The following SLC12A7 variants were observed in gnomAD, a reference collection of about 807,000 sequenced individuals.
The protein encoded by SLC12A7 is solute carrier family 12 member 7, also known as K-Cl cotransporter 4.
SLC12A7 carries 100 observed loss-of-function variants against 120.6 expected under a neutral mutation model. The observed-to-expected ratio is 0.83, with a 90% CI of 0.71 to 0.98. SLC12A7 has a LOEUF of 0.98. Among genes scored for constraint, SLC12A7 ranks in the 50% least tolerant of loss-of-function variants. The probability of loss-of-function intolerance (pLI) is 0.00; values close to 1 mark genes in which losing one functional copy is unlikely to be tolerated. For synonymous variants in SLC12A7, 760 were observed against 678.0 expected, an observed-to-expected ratio of 1.12 and a Z score of -1.88; for missense variants, 1,373 against 1,548.1, an observed-to-expected ratio of 0.89 and a Z score of 1.90.
chr5:1,117,803 A>G, the SLC12A7 span, among the ~76,000 whole-genome samples: 1 of 152,188 alleles, frequency 6.6e-6, no homozygotes, highest in Non-Finnish European at 1.5e-5. The surrounding 1 kb of genome is among the most constrained non-coding windows in gnomAD (Gnocchi z 4.5). Context: ...CGGGCGCGGT[A>G]GCTCACGCCT....
At chr5:1,130,275 G>A in the SLC12A7 span, among the ~76,000 whole-genome samples, 2 of 152,186 alleles carry the variant, frequency 1.3e-5, no homozygotes, top group Non-Finnish European at 2.9e-5. Flanking sequence ...AGGCTGGCTG[G>A]GAGGAGGCAC....
upstream of SLC12A7, among the ~76,000 whole-genome samples, chr5:1,112,333 CCCTCCCCGCCCTCCCCGG>C (rs1395295548): frequency 3.8e-5 from 1 of 26,210 alleles, no homozygotes; most frequent in African/African-American, 2.9e-4. Context: ...GAACTCCCCG[CCCTCCCCGCCCTCCCCGG>C]CCCCCTCCCC....
the SLC12A7 span, among the ~76,000 whole-genome samples, chr5:1,151,864 C>A: frequency 6.6e-6 from 1 of 152,136 alleles, no homozygotes; most frequent in African/African-American, 2.4e-5. This position sits in a 1 kb window ranked among gnomAD's most constrained non-coding sequence, Gnocchi z 6.2. Context: ...TCATCCCTTC[C>A]GGGTCTGGGG....
chr5:1,082,701 T>TC (rs565706942), intron 8 of SLC12A7, among the ~76,000 whole-genome samples: 3 of 145,436 alleles, frequency 2.1e-5, no homozygotes, highest in African/African-American at 2.6e-5. Context: ...AGTCCGGGCT[T>TC]CCCATCTCGG....
chr5:1,113,044 G>A (rs763695979), upstream of SLC12A7, among the ~76,000 whole-genome samples: 4 of 152,230 alleles, frequency 2.6e-5, no homozygotes, highest in Non-Finnish European at 5.9e-5. Flanking sequence ...CCACCAGGCA[G>A]ACACCAGGAT....
intron 17 of SLC12A7, among the ~76,000 whole-genome samples, chr5:1,066,468 A>C (rs1199908655): frequency 6.6e-6 from 1 of 152,196 alleles, no homozygotes; most frequent in African/African-American, 2.4e-5. Flanking sequence ...AACATACTGT[A>C]CATGTGTGGC....
chr5:1,124,721 A>C, the SLC12A7 span, among the ~76,000 whole-genome samples: 1 of 152,210 alleles, frequency 6.6e-6, no homozygotes, highest in South Asian at 2.1e-4. Flanking sequence ...TGTGCAGGGC[A>C]GACACTGGGG....
chr5:1,065,616 G>C, intron 17 of SLC12A7, 138 bp from the exon 18 acceptor site: 1 of 646,862 alleles, frequency 1.5e-6, no homozygotes, highest in Non-Finnish European at 2.6e-6. Flanking sequence ...GCTCAACGGT[G>C]TGCTGCGGTG....
the SLC12A7 span, among the ~76,000 whole-genome samples, chr5:1,152,409 C>T: frequency 2.4e-4 from 37 of 152,222 alleles, no homozygotes; most frequent in East Asian, 1.9e-4. Context: ...AAAACATAGC[C>T]GGAAAGCCCC....
At chr5:1,130,121 G>A in the SLC12A7 span, among the ~76,000 whole-genome samples, 4 of 152,154 alleles carry the variant, frequency 2.6e-5, no homozygotes, top group Non-Finnish European at 4.4e-5. Context: ...AATTGCACCC[G>A]TTTGGTTTAC....
intron 23 of SLC12A7, 46 bp downstream of exon 23, chr5:1,053,303 C>G: frequency 6.3e-7 from 1 of 1,593,536 alleles, no homozygotes; most frequent in African/African-American, 1.3e-5. Flanking sequence ...GAGAAGCCAC[C>G]AGGGGGTGCC....
chr5:1,061,761 C>A (rs1736309675), intron 20 of SLC12A7, among the ~76,000 whole-genome samples: 1 of 151,624 alleles, frequency 6.6e-6, no homozygotes, highest in Admixed American at 6.6e-5. Flanking sequence ...ACCAGCCTGG[C>A]CATCATGGTG....
At chr5:1,062,710 G>T (rs1736433601) in intron 20 of SLC12A7, among the ~76,000 whole-genome samples, 1 of 148,272 alleles carries the variant, frequency 6.7e-6, no homozygotes, top group South Asian at 2.2e-4. Flanking sequence ...AGGGACTGGG[G>T]GACTGGGGGG....
chr5:1,088,200 C>T lies in SLC12A7; in HGVS notation c.544+106G>A, dbSNP rs116648784. ...AGAAGGCCCGGCTGAGACCCCCAGGCAGCCCCCGGCCCGGCCTCGCCAAGC... is the reference window on the plus strand; with the variant it reads ...AGAAGGCCCGGCTGAGACCCCCAGGTAGCCCCCGGCCCGGCCTCGCCAAGC... On this transcript the variant is annotated intron_variant, in intron 5 of 23. Transcript: ENST00000264930. The T allele has an allele frequency of 2.5e-3, 2,857 of 1,128,296 alleles. 37 individuals carry two copies. The African/African-American group carries it at 0.035, about 14-fold the overall frequency. 69.9% of individuals were successfully genotyped at this position (1,128,296 alleles called of 1,614,324 possible).
chr5:1,091,043 G>A (rs1308984374), intron 3 of SLC12A7, among the ~76,000 whole-genome samples: 4 of 152,150 alleles, frequency 2.6e-5, no homozygotes, highest in African/African-American at 4.8e-5. Context: ...ACTGAAACCC[G>A]CCACCGTCAA....
intron 1 of SLC12A7, among the ~76,000 whole-genome samples, chr5:1,101,213 G>A (rs1741980488): frequency 6.6e-6 from 1 of 152,208 alleles, no homozygotes; most frequent in Non-Finnish European, 1.5e-5. Context: ...CCTGCACTGG[G>A]ACAGGGCCTT....
At chr5:1,152,747 A>G in the SLC12A7 span, among the ~76,000 whole-genome samples, 1 of 152,130 alleles carries the variant, frequency 6.6e-6, no homozygotes, top group Non-Finnish European at 1.5e-5. Context: ...ACTGAGTACA[A>G]AGTCGGTGTG....
At chr5:1,087,611 C>T (rs1290698784) in intron 5 of SLC12A7, among the ~76,000 whole-genome samples, 1 of 152,214 alleles carries the variant, frequency 6.6e-6, no homozygotes, top group Admixed American at 6.5e-5. Flanking sequence ...TGGTGAAGGC[C>T]CTCGTGCTCT....
chr5:1,146,957 C>G, the SLC12A7 span, among the ~76,000 whole-genome samples: 1 of 152,192 alleles, frequency 6.6e-6, no homozygotes, highest in Non-Finnish European at 1.5e-5. This position sits in a 1 kb window ranked among gnomAD's most constrained non-coding sequence, Gnocchi z 6.5. Context: ...AGGGCCGTGT[C>G]ACTGCACAGT....
Sources: gnomAD v4.1 joint callset for allele counts (sites outside exome capture counted in the v4.1 genomes callset) on GRCh38, gnomAD v4.1.1 for gene constraint, Gnocchi (gnomAD v3.1) non-coding constraint, MANE v1.5 for transcripts, NCBI Gene and HGNC (gene_info 2026-07-23, HGNC 2026-07-21) for gene names.